ALK: variants seen among roughly 807,000 people sequenced by gnomAD.
ALK encodes the protein ALK receptor tyrosine kinase.
A neutral mutation model predicts 163.1 loss-of-function variants in ALK; 74 were observed. The ratio of observed to expected loss-of-function variants is 0.45; its 90% confidence interval spans 0.38 to 0.55. The LOEUF (loss-of-function observed/expected upper bound fraction) is 0.55. Ranked by LOEUF, ALK falls within the 20% of genes least tolerant of loss-of-function variation. The probability of loss-of-function intolerance (pLI) is 0.00; values close to 1 mark genes in which losing one functional copy is unlikely to be tolerated. For synonymous variants in ALK, 960 were observed against 843.2 expected (o/e 1.14, Z -2.40); for missense variants, 2,063 against 2,105.3 (o/e 0.98, Z 0.39).
rs528337319 is a variant in ALK, at chr2:29,755,850, C to T, written c.668-38153G>A. 5.3e-5 allele frequency among the ~76,000 whole-genome samples: 8 copies of T among 152,094 alleles called. No homozygotes were observed. The East Asian group carries it at 7.7e-4, about 15-fold the overall frequency. On this transcript the variant is annotated intron_variant, in intron 1 of 28. Coordinates refer to ENST00000389048, the MANE Select transcript of ALK (RefSeq NM_004304.5). Reference sequence around the variant, plus strand: ...GTCGCAGCACCTCAAGCACCTGTGCCGCATCACCCATCCATCCATCAGTCT... The same window carrying T: ...GTCGCAGCACCTCAAGCACCTGTGCTGCATCACCCATCCATCCATCAGTCT...
intron 3 of ALK, among the ~76,000 whole-genome samples, chr2:29,647,775 C>CTTTTTTTTTTTT (rs34620705): frequency 5.1e-5 from 6 of 117,192 alleles, no homozygotes; most frequent in East Asian, 2.5e-4. Context: ...ATGATTTTTT[C>CTTTTTTTTTTTT]TTTTTTTTTT....
At chr2:29,674,991 G>C (rs2148273829) in intron 3 of ALK, among the ~76,000 whole-genome samples, 1 of 150,576 alleles carries the variant, frequency 6.6e-6, no homozygotes, top group African/African-American at 2.4e-5. Flanking sequence ...TCTGATGGTA[G>C]TTTGTATTTC....
chr2:29,681,381 GCAAAT>G, intron 3 of ALK: 1 of 152,214 alleles, frequency 6.6e-6, no homozygotes, highest in Non-Finnish European at 1.5e-5. Flanking sequence ...TTAGTGATTG[GCAAAT>G]GTTTTTACAG....
intron 1 of ALK, among the ~76,000 whole-genome samples, chr2:29,849,854 G>A (rs1327716291): frequency 6.6e-6 from 1 of 152,090 alleles, no homozygotes; most frequent in African/African-American, 2.4e-5. Flanking sequence ...CTCTGGTAGT[G>A]CCCTCCCCCC....
Position 29,745,998 on chromosome 2 carries a change from T to G in ALK, c.668-28301A>C, listed in dbSNP as rs149529495. ...AATAATAGCAATCTTAATGAGGCACTTAAGTATAAATCAGGTACTTTTCCA... is the reference window on the plus strand; with the variant it reads ...AATAATAGCAATCTTAATGAGGCACGTAAGTATAAATCAGGTACTTTTCCA... On this transcript the variant is annotated intron_variant, in intron 1 of 28. Transcript: ENST00000389048. Among the ~76,000 whole-genome samples, 1,150 of 152,324 alleles carry G rather than the reference T, an allele frequency of 7.5e-3. 13 individuals are homozygous for G. Among genetic ancestry groups the G allele is most frequent in the South Asian group, 0.044 (214 of 4,824 alleles).
intron 4 of ALK, among the ~76,000 whole-genome samples, chr2:29,404,672 G>GT (rs1481951448): frequency 6.6e-6 from 1 of 152,216 alleles, no homozygotes; most frequent in African/African-American, 2.4e-5. Context: ...AGGCATTGTA[G>GT]TAAGTACTGG....
chr2:29,635,971 G>A (rs1370309277), intron 3 of ALK, among the ~76,000 whole-genome samples: 1 of 152,068 alleles, frequency 6.6e-6, no homozygotes. Context: ...GTGGTCATTT[G>A]TTACAGCGGC....
chr2:29,339,273 G>A (rs182450612), intron 5 of ALK, among the ~76,000 whole-genome samples: 1 of 151,222 alleles, frequency 6.6e-6, no homozygotes, highest in African/African-American at 2.4e-5. Flanking sequence ...TGTCTTCTCT[G>A]TGGAGGTGAT....
At chr2:29,799,611 G>A (rs905924329) in intron 1 of ALK, among the ~76,000 whole-genome samples, 1 of 152,160 alleles carries the variant, frequency 6.6e-6, no homozygotes, top group Non-Finnish European at 1.5e-5. Context: ...CTTGAGCCAG[G>A]AGTTCAAGGC....
At chr2:29,697,850 G>A (rs1678618465) in intron 2 of ALK, among the ~76,000 whole-genome samples, 1 of 152,168 alleles carries the variant, frequency 6.6e-6, no homozygotes, top group Non-Finnish European at 1.5e-5. Flanking sequence ...GAATACAGTG[G>A]GGGCAGATTC....
chr2:29,438,692 G>GAATA (rs1333067777), intron 4 of ALK, among the ~76,000 whole-genome samples: 1 of 152,136 alleles, frequency 6.6e-6, no homozygotes, highest in Non-Finnish European at 1.5e-5. Flanking sequence ...GAATATGTAG[G>GAATA]TGGAGCTAAG....
At chr2:29,487,736 A>G (rs1189928957) in intron 4 of ALK, among the ~76,000 whole-genome samples, 1 of 152,170 alleles carries the variant, frequency 6.6e-6, no homozygotes, top group Non-Finnish European at 1.5e-5. Flanking sequence ...TCACCTTACT[A>G]AGTATTAAAC....
chr2:29,560,407 G>A (rs1220386812), intron 3 of ALK, among the ~76,000 whole-genome samples: 1 of 152,182 alleles, frequency 6.6e-6, no homozygotes, highest in Non-Finnish European at 1.5e-5. Flanking sequence ...AATAGATTAA[G>A]GGTTGCCTGG....
intron 4 of ALK, among the ~76,000 whole-genome samples, chr2:29,440,365 G>A (rs1670509574): frequency 7.0e-6 from 1 of 143,626 alleles, no homozygotes; most frequent in African/African-American, 2.6e-5. Context: ...CCAAGTAGCT[G>A]GAGTGCAGTG....
At chr2:29,561,090 A>G (rs968156434) in intron 3 of ALK, among the ~76,000 whole-genome samples, 1 of 152,182 alleles carries the variant, frequency 6.6e-6, no homozygotes, top group Admixed American at 6.5e-5. Context: ...TATTTTGGCT[A>G]TATTGAGTTA....
intron 1 of ALK, among the ~76,000 whole-genome samples, chr2:29,758,857 T>A (rs1229126726): frequency 6.6e-6 from 1 of 152,134 alleles, no homozygotes. Context: ...CTCCTTTCAT[T>A]CTCACCATGT....
At chr2:29,813,524 C>G (rs191071212) in intron 1 of ALK, among the ~76,000 whole-genome samples, 2 of 152,210 alleles carry the variant, frequency 1.3e-5, no homozygotes, top group East Asian at 3.9e-4. Context: ...GAGTCACTGT[C>G]TCCCCCAAGA....
At chr2:29,375,879 A>G (rs1391638320) in intron 5 of ALK, among the ~76,000 whole-genome samples, 1 of 152,212 alleles carries the variant, frequency 6.6e-6, no homozygotes, top group Admixed American at 6.5e-5. Context: ...GAGCACTGCC[A>G]TCTTGGACAA....
chr2:29,457,062 C>T (rs1447115352), intron 4 of ALK, among the ~76,000 whole-genome samples: 1 of 152,164 alleles, frequency 6.6e-6, no homozygotes, highest in Non-Finnish European at 1.5e-5. Context: ...TAAAAACAAA[C>T]AGCTTCTTGC....
Sources: gnomAD v4.1 joint callset for allele counts (sites outside exome capture counted in the v4.1 genomes callset) on GRCh38, gnomAD v4.1.1 for gene constraint, MANE v1.5 for transcripts, NCBI Gene and HGNC (gene_info 2026-07-23, HGNC 2026-07-21) for gene names.